CR1L: variants seen among roughly 807,000 people sequenced by gnomAD.
The protein encoded by CR1L is complement C3b/C4b receptor 1 like, also known as complement component receptor 1-like protein.
CR1L carries 59 observed loss-of-function variants against 62.3 expected under a neutral mutation model. The ratio of observed to expected loss-of-function variants is 0.95; its 90% CI spans 0.77 to 1.18. The LOEUF (loss-of-function observed/expected upper bound fraction) is 1.18. CR1L is among the 50% of genes most tolerant of loss of function. CR1L has a pLI of 0.00. For missense variants in CR1L, 700 were observed against 702.8 expected (o/e 1.00, Z 0.04); for synonymous variants, 279 against 248.7 (o/e 1.12, Z -1.15).
rs775868443 is a variant in CR1L, at chr1:207,678,257, AT to A, written c.338del (p.Ile113ThrfsTer71). 5 of 1,613,726 alleles carry A rather than the reference AT, an allele frequency of 3.1e-6. No individual in the cohort carries two copies. In the Admixed American group the frequency reaches 6.7e-5, roughly 22 times the overall value. ...VNGMAHVIKD[I>X]QFRSQIKYSC... is the part of the protein sequence containing the mutation. ...TGGCATGGCACATGTGATCAAAGAC[AT>A]CCAGTTCAGATCCCAAATTAAATAT... On this transcript the variant is annotated frameshift_variant, in exon 3 of 12. Coordinates refer to ENST00000508064, the MANE Select transcript of CR1L (RefSeq NM_175710.2). LOFTEE classifies it high-confidence loss of function.
At position 207,683,972 on chromosome 1, in the gene CR1L, G is replaced by C. The variant is rs1663849510; in HGVS notation, c.463+15G>C. ...TGTTTGTGACAGTGAGTTGAAATATGCATTCCTATTTCTTTTACCGATACA... is the reference window on the plus strand; with the variant it reads ...TGTTTGTGACAGTGAGTTGAAATATCCATTCCTATTTCTTTTACCGATACA... On this transcript the variant is annotated intron_variant, in intron 4 of 11. Coordinates refer to ENST00000508064, the MANE Select transcript of CR1L (RefSeq NM_175710.2). The C allele has an allele frequency of 1.2e-6, 2 of 1,603,246 alleles. No individual in the cohort carries two copies. Among genetic ancestry groups the C allele is most frequent in the Admixed American group, 1.7e-5 (1 of 59,672 alleles).
At chr1:207,714,547 A>G (rs1303358608) in intron 10 of CR1L, among the ~76,000 whole-genome samples, 9 of 152,190 alleles carry the variant, frequency 5.9e-5, no homozygotes, top group Non-Finnish European at 5.9e-5. Flanking sequence ...GTCAAGTGGT[A>G]TTATTCGTTG....
intron 10 of CR1L, among the ~76,000 whole-genome samples, chr1:207,713,831 C>T (rs143336986): frequency 3.7e-3 from 561 of 152,300 alleles, no homozygotes; most frequent in African/African-American, 0.013. Flanking sequence ...CAACAGATGG[C>T]GGTGTGTTAA....
At chr1:207,664,637 A>G (rs1298715098) in intron 1 of CR1L, among the ~76,000 whole-genome samples, 1 of 152,214 alleles carries the variant, frequency 6.6e-6, no homozygotes, top group Non-Finnish European at 1.5e-5. Context: ...GTCTTTTGAA[A>G]GAGTTAACTA....
rs1446805290 is a variant in CR1L, at chr1:207,699,209, C to T, written c.1163C>T (p.Ser388Phe). The part of the protein sequence containing the change: ...CDEGFQLKGS[S>F]ASYCVLAGME... ...TTTAGATTTCAATTAAAAGGCAGCT[C>T]TGCTAGTTACTGTGTTTTGGCTGGA... The change falls in exon 8 of 12, where the codon TCT (serine) becomes TTT (phenylalanine). Residue 388 changes from serine (S) to phenylalanine (F), a missense_variant. By Grantham distance (155) the Ser-to-Phe change is radical (BLOSUM62 -2). Coordinates refer to ENST00000508064, the MANE Select transcript of CR1L (RefSeq NM_175710.2). 3.1e-6 allele frequency: 5 copies of T among 1,613,718 alleles called. No homozygotes were observed. Among genetic ancestry groups the T allele is most frequent in the Non-Finnish European group, 4.2e-6 (5 of 1,179,698 alleles).
chr1:207,652,999 A>G (rs116437580), intron 1 of CR1L: 2,813 of 232,848 alleles, frequency 0.012, 73 homozygotes, highest in African/African-American at 0.061. Context: ...TGCATTCAAA[A>G]CCGCAATGCA....
At position 207,678,635 on chromosome 1, in the gene CR1L, A is replaced by G. The variant is rs182313651; in HGVS notation, c.377+338A>G. 2.6e-5 allele frequency among the ~76,000 whole-genome samples: 4 copies of G among 152,342 alleles called. No individual in the cohort carries two copies. In the East Asian group the frequency reaches 7.7e-4, roughly 29 times the overall value. On this transcript the variant is annotated intron_variant, in intron 3 of 11. Coordinates refer to ENST00000508064, the MANE Select transcript of CR1L (RefSeq NM_175710.2). ...TGCTCAAAGAAAGGGAAGGCCATTGAGCAGCTGTGTGAGAGAAATCTTAAT... is the reference window on the plus strand; with the variant it reads ...TGCTCAAAGAAAGGGAAGGCCATTGGGCAGCTGTGTGAGAGAAATCTTAAT...
chr1:207,709,133 G>A, intron 10 of CR1L: 1 of 210,248 alleles, frequency 4.8e-6, no homozygotes, highest in South Asian at 7.4e-5. Flanking sequence ...GCCAGGTGTG[G>A]TGGCTCACAC....
chr1:207,670,281 A>G (rs571786424), intron 1 of CR1L, among the ~76,000 whole-genome samples: 1 of 151,140 alleles, frequency 6.6e-6, no homozygotes, highest in Non-Finnish European at 1.5e-5. Flanking sequence ...GCACTTGGGG[A>G]TTAGAAGAGC....
intron 4 of CR1L, among the ~76,000 whole-genome samples, chr1:207,691,811 G>T (rs1289115556): frequency 1.3e-5 from 2 of 152,014 alleles, no homozygotes; most frequent in Non-Finnish European, 2.9e-5. Flanking sequence ...TTGTATTGTT[G>T]CCATACGTTT....
chr1:207,710,589 G>A, intron 10 of CR1L: 1 of 1,610,188 alleles, frequency 6.2e-7, no homozygotes, highest in Non-Finnish European at 8.5e-7. Context: ...GTCCCTCAGT[G>A]CATTATACCT....
intron 1 of CR1L, chr1:207,669,622 G>T (rs1000215624): frequency 1.1e-5 from 12 of 1,079,638 alleles, no homozygotes; most frequent in Non-Finnish European, 1.5e-5. Flanking sequence ...CCAGGGCCCC[G>T]CAGAGAACTC....
At chr1:207,704,688 T>C (rs1244991285) in intron 9 of CR1L, among the ~76,000 whole-genome samples, 1 of 152,226 alleles carries the variant, frequency 6.6e-6, no homozygotes, top group Non-Finnish European at 1.5e-5. Flanking sequence ...AGATTGTGAC[T>C]TATTGAAGGT....
Position 207,683,924 on chromosome 1 carries a change from G to C in CR1L, c.430G>C (p.Val144Leu). 18 of 1,613,490 alleles carry C rather than the reference G, an allele frequency of 1.1e-5. No individual in the cohort carries two copies. The highest frequency in any genetic ancestry group is 1.5e-5 in the Non-Finnish European group (18 of 1,179,610). ...SATCIISGNT[V>L]IWDNKTPVCD... ...CACATGCATCATCTCAGGCAACACT[G>C]TCATTTGGGATAATAAAACACCTGT... Residue 144 changes from valine to leucine, a missense_variant, in exon 4 of 12, where the codon GTC (valine) becomes CTC (leucine). Coordinates refer to ENST00000508064, the MANE Select transcript of CR1L (RefSeq NM_175710.2).
intron 8 of CR1L, among the ~76,000 whole-genome samples, chr1:207,699,512 T>C (rs1664159751): frequency 6.6e-6 from 1 of 152,224 alleles, no homozygotes; most frequent in African/African-American, 2.4e-5. Flanking sequence ...CCTATGGTCG[T>C]GTGCTTCTAG....
At chr1:207,714,693 C>CATTTCAGAAGGG (rs1381300821) in intron 10 of CR1L, among the ~76,000 whole-genome samples, 1 of 152,052 alleles carries the variant, frequency 6.6e-6, no homozygotes, top group African/African-American at 2.4e-5. Context: ...TAATGATTTC[C>CATTTCAGAAGGG]AATTTCAGAA....
intron 1 of CR1L, among the ~76,000 whole-genome samples, chr1:207,674,624 A>G (rs907054858): frequency 1.3e-5 from 2 of 152,184 alleles, no homozygotes; most frequent in African/African-American, 4.8e-5. Flanking sequence ...TCTTTCCAAG[A>G]ATGGTTCATT....
At chr1:207,674,811 C>T (rs766239940) in intron 1 of CR1L, among the ~76,000 whole-genome samples, 1 of 151,658 alleles carries the variant, frequency 6.6e-6, no homozygotes, top group South Asian at 2.1e-4. Context: ...CACATATCAA[C>T]TAGAGGAAAG....
At chr1:207,718,827 T>C (rs578209512) in intron 11 of CR1L, among the ~76,000 whole-genome samples, 3 of 151,384 alleles carry the variant, frequency 2.0e-5, no homozygotes, top group African/African-American at 7.3e-5. Flanking sequence ...ATTGCGGCAT[T>C]ATTCACAATA....
Sources: gnomAD v4.1 joint callset for allele counts (sites outside exome capture counted in the v4.1 genomes callset) on GRCh38, gnomAD v4.1.1 for gene constraint, MANE v1.5 for transcripts, NCBI Gene and HGNC (gene_info 2026-07-23, HGNC 2026-07-21) for gene names.